The following NLRP14 variants were observed in gnomAD, a reference collection of about 807,000 sequenced individuals.
NLRP14 encodes NLR family pyrin domain containing 14.
In NLRP14, 105 loss-of-function variants were observed where a neutral mutation model predicts 94.7. The ratio of observed to expected loss-of-function variants is 1.11; its 90% CI spans 0.95 to 1.30. The LOEUF (loss-of-function observed/expected upper bound fraction) is 1.30. Among genes scored for constraint, NLRP14 ranks in the 50% most tolerant of loss-of-function variants. The probability of loss-of-function intolerance (pLI) is 0.00; values close to 1 mark genes in which losing one functional copy is unlikely to be tolerated. For missense variants in NLRP14, 1,362 were observed against 1,254.1 expected (o/e 1.09, Z -1.30); for synonymous variants, 508 against 459.9 (o/e 1.10, Z -1.34).
rs552543820 is a variant in NLRP14 at position 7,057,956 on chromosome 11, T to C, written c.2462+109T>C. Reference sequence around the variant, plus strand: ...GGGTCTTGGCACTAACTGGCTCGTTTGTCAATTCTGAATAAGCTCTACATG... The same window carrying C: ...GGGTCTTGGCACTAACTGGCTCGTTCGTCAATTCTGAATAAGCTCTACATG... On this transcript the variant is annotated intron_variant, in intron 7 of 11. Coordinates refer to ENST00000299481, the MANE Select transcript of NLRP14 (RefSeq NM_176822.4). 397 of 882,578 alleles carry C rather than the reference T, an allele frequency of 4.5e-4. 3 individuals are homozygous for C. Among genetic ancestry groups the C allele is most frequent in the South Asian group, 2.2e-3 (169 of 75,234 alleles). 54.7% of individuals were successfully genotyped at this position (882,578 alleles called of 1,614,324 possible). A position where few individuals can be genotyped will look rare whatever the true frequency, so the allele number is the denominator to read the frequency against.
At chr11:7,041,182 C>A (rs1852242803) in intron 3 of NLRP14, among the ~76,000 whole-genome samples, 2 of 151,942 alleles carry the variant, frequency 1.3e-5, no homozygotes, top group East Asian at 3.8e-4. Context: ...CCCTGCCTGG[C>A]CAATCATTAT....
intron 2 of NLRP14, among the ~76,000 whole-genome samples, chr11:7,039,496 C>T (rs554804023): frequency 6.6e-6 from 1 of 152,010 alleles, no homozygotes; most frequent in Non-Finnish European, 1.5e-5. Flanking sequence ...AAGGTGGGGG[C>T]CATGGCAAGA....
At chr11:7,090,166 G>A in the NLRP14 span, 1 of 1,613,886 alleles carries the variant, frequency 6.2e-7, no homozygotes, top group African/African-American at 1.3e-5. Context: ...CCAGATCGTG[G>A]GCTCTCTCTG....
At chr11:7,068,492 A>G (rs565266089) in intron 10 of NLRP14, among the ~76,000 whole-genome samples, 11 of 152,268 alleles carry the variant, frequency 7.2e-5, no homozygotes, top group African/African-American at 1.4e-4. Flanking sequence ...ATTTGTAAAC[A>G]TACTCCTTAA....
chr11:7,051,168 A>G (rs922964960), intron 6 of NLRP14, among the ~76,000 whole-genome samples: 1 of 152,202 alleles, frequency 6.6e-6, no homozygotes, highest in South Asian at 2.1e-4. Flanking sequence ...GCTCCTTGCA[A>G]CAGTAAATAC....
intron 1 of NLRP14, among the ~76,000 whole-genome samples, chr11:7,035,874 A>G (rs1181979127): frequency 6.6e-6 from 1 of 152,200 alleles, no homozygotes; most frequent in African/African-American, 2.4e-5. Flanking sequence ...TGAATTTCCA[A>G]TGCCTAGGAA....
At chr11:7,047,419 T>A (rs566996972) in intron 5 of NLRP14, among the ~76,000 whole-genome samples, 1 of 150,804 alleles carries the variant, frequency 6.6e-6, no homozygotes, top group Non-Finnish European at 1.5e-5. Context: ...TCCTGCCACC[T>A]CAGCCTCCCA....
At chr11:7,057,074 G>C (rs1428526268) in intron 6 of NLRP14, among the ~76,000 whole-genome samples, 1 of 151,940 alleles carries the variant, frequency 6.6e-6, no homozygotes, top group African/African-American at 2.4e-5. Context: ...CATTACAAAG[G>C]GTTAGTATTA....
chr11:7,059,768 G>C (rs928558296), intron 8 of NLRP14, 126 bp from the exon 9 acceptor site: 3 of 793,428 alleles, frequency 3.8e-6, no homozygotes. Context: ...GGCAGTGAGG[G>C]TGTTTCATCT....
Position 7,057,845 on chromosome 11 carries a change from G to C in NLRP14, c.2460G>C (p.Leu820=), listed in dbSNP as rs577505332. The change falls in exon 7 of 12, where the codon CTG becomes CTC. Residue 820 remains leucine, a splice_region_variant and synonymous_variant. Coordinates refer to ENST00000299481, the MANE Select transcript of NLRP14 (RefSeq NM_176822.4). ...LRHPKCYLER[L]SLESCGLTEA... Reference sequence around the variant, plus strand: ...ATCCAAAGTGTTATCTAGAGAGACTGTCGTGAGTGTTTCTGTTTTGTTTTC... The same window carrying C: ...ATCCAAAGTGTTATCTAGAGAGACTCTCGTGAGTGTTTCTGTTTTGTTTTC... 6.2e-6 allele frequency: 10 copies of C among 1,610,738 alleles called. No homozygotes were observed. The East Asian group carries it at 1.6e-4, about 25-fold the overall frequency.
chr11:7,069,975 ATAGTGATGTATTTT>A (rs1275579464), intron 10 of NLRP14, among the ~76,000 whole-genome samples: 1 of 152,186 alleles, frequency 6.6e-6, no homozygotes, highest in African/African-American at 2.4e-5. Context: ...ATATCTAGTT[ATAGTGATGTATTTT>A]TAGTGATGTT....
intron 6 of NLRP14, among the ~76,000 whole-genome samples, chr11:7,056,732 A>G (rs956724030): frequency 4.6e-5 from 7 of 151,976 alleles, no homozygotes; most frequent in Non-Finnish European, 8.8e-5. Context: ...TCAAAAGGTG[A>G]ATGGATAAAG....
intron 4 of NLRP14, 24 bp from the exon 5 acceptor site, chr11:7,046,641 TTTC>T: frequency 6.2e-7 from 1 of 1,605,162 alleles, no homozygotes; most frequent in Admixed American, 1.7e-5. Context: ...CAGCATTGTT[TTTC>T]TTTTCTCAAT....
At chr11:7,033,003 A>G (rs567780225) in intron 1 of NLRP14, among the ~76,000 whole-genome samples, 13 of 152,254 alleles carry the variant, frequency 8.5e-5, no homozygotes, top group African/African-American at 3.1e-4. Context: ...TAGGAAATGG[A>G]CTTTTATAAT....
At chr11:7,029,262 G>A (rs753704448) in intron 1 of NLRP14, among the ~76,000 whole-genome samples, 2 of 152,112 alleles carry the variant, frequency 1.3e-5, no homozygotes, top group East Asian at 1.9e-4. Context: ...AATCCTACAA[G>A]CATTTTTACC....
chr11:7,082,342 G>A, the NLRP14 span, among the ~76,000 whole-genome samples: 1 of 152,122 alleles, frequency 6.6e-6, no homozygotes, highest in African/African-American at 2.4e-5. Flanking sequence ...CATTATGGTA[G>A]ATGTAACTAA....
chr11:7,066,522 T>C (rs1197518328), intron 10 of NLRP14, among the ~76,000 whole-genome samples: 1 of 152,262 alleles, frequency 6.6e-6, no homozygotes, highest in East Asian at 1.9e-4. Flanking sequence ...GAGAAGTGTC[T>C]GTTCATATCC....
At chr11:7,075,280 T>C (rs1552728), downstream of NLRP14, among the ~76,000 whole-genome samples, 94,810 of 152,096 alleles carry the variant, frequency 0.62, 29,877 homozygotes, top group East Asian at 0.78. Context: ...ATGTCACTTA[T>C]GACTATGCAA....
the NLRP14 span, among the ~76,000 whole-genome samples, chr11:7,080,743 A>C: frequency 6.6e-6 from 1 of 152,226 alleles, no homozygotes; most frequent in African/African-American, 2.4e-5. Flanking sequence ...CACCAAGGGG[A>C]AAAAGAGATA....
Sources: gnomAD v4.1 joint callset for allele counts (sites outside exome capture counted in the v4.1 genomes callset) on GRCh38, gnomAD v4.1.1 for gene constraint, MANE v1.5 for transcripts, NCBI Gene and HGNC (gene_info 2026-07-23, HGNC 2026-07-21) for gene names.